Variants in TPO observed in about 807,000 individuals in gnomAD.
The protein encoded by TPO is thyroid peroxidase, also known as thyroid microsomal antigen.
TPO carries 78 observed loss-of-function variants against 96.9 expected under a neutral mutation model. The ratio of observed to expected loss-of-function variants is 0.81; its 90% CI spans 0.67 to 0.97. The LOEUF (loss-of-function observed/expected upper bound fraction) is 0.97. Among genes scored for constraint, TPO ranks in the 50% least tolerant of loss-of-function variants. The pLI, the probability that TPO is intolerant of heterozygous loss-of-function variation, is 0.00. For missense variants in TPO, 1,252 were observed against 1,274.8 expected (o/e 0.98, Z 0.27); for synonymous variants, 547 against 538.0 (o/e 1.02, Z -0.23).
At chr2:1,382,815 T>G (rs960829585) in intron 1 of TPO, among the ~76,000 whole-genome samples, 1 of 152,116 alleles carries the variant, frequency 6.6e-6, no homozygotes, top group African/African-American at 2.4e-5. Flanking sequence ...ACCATGTTGG[T>G]GTGCTGCATC....
intron 15 of TPO, among the ~76,000 whole-genome samples, chr2:1,539,670 GTTGT>G (rs1014850763): frequency 1.6e-4 from 25 of 152,262 alleles, no homozygotes; most frequent in African/African-American, 4.6e-4. Context: ...GACCTCGGGA[GTTGT>G]TTGTTTGTAG....
intron 2 of TPO, among the ~76,000 whole-genome samples, chr2:1,419,363 G>A (rs1307226563): frequency 1.3e-5 from 2 of 152,162 alleles, no homozygotes; most frequent in African/African-American, 4.8e-5. Context: ...GGGCGCTGCA[G>A]AGCTAACGAT....
rs28909392 is a variant in TPO at position 1,437,857 on chromosome 2, C to T, written c.482+1473C>T. Among the ~76,000 whole-genome samples the T allele has an allele frequency of 9.7e-3, 1,475 of 152,134 alleles. 28 individuals carry two copies. Among genetic ancestry groups the T allele is most frequent in the African/African-American group, 0.034 (1,406 of 41,472 alleles). On this transcript the variant is annotated intron_variant, in intron 5 of 16. Transcript: ENST00000329066. The stretch of plus-strand genomic sequence containing the variant: ...GCCTGGGGGGGGGTCTGTGCCTTCC[C>T]GTGGAAGTGGGCTCAGAGGTGGAGA...
At chr2:1,484,486 G>A in intron 8 of TPO, 110 bp from the exon 9 acceptor site, 3 of 1,410,538 alleles carry the variant, frequency 2.1e-6, no homozygotes, top group Non-Finnish European at 3.0e-6. Flanking sequence ...AAGACGAGAA[G>A]GGTCCAGTTC....
At chr2:1,425,138 G>T (rs1203227789) in intron 3 of TPO, among the ~76,000 whole-genome samples, 1 of 151,904 alleles carries the variant, frequency 6.6e-6, no homozygotes, top group Non-Finnish European at 1.5e-5. Context: ...TGTTCTAGAT[G>T]CCGGGATACA....
chr2:1,392,509 T>C (rs2148360346), intron 1 of TPO, among the ~76,000 whole-genome samples: 1 of 152,302 alleles, frequency 6.6e-6, no homozygotes. Context: ...CAGGATGATG[T>C]TGGCCTCATA....
chr2:1,389,016 T>A (rs966357445), intron 1 of TPO, among the ~76,000 whole-genome samples: 2 of 152,152 alleles, frequency 1.3e-5, no homozygotes, highest in African/African-American at 4.8e-5. Context: ...ATTAAGAAGT[T>A]TTTTTGTGTT....
chr2:1,451,421 T>G (rs1322232858), intron 5 of TPO, among the ~76,000 whole-genome samples: 2 of 152,204 alleles, frequency 1.3e-5, no homozygotes, highest in Non-Finnish European at 2.9e-5. Context: ...TCCCAAACAC[T>G]CCAAATGTTT....
chr2:1,528,891 C>G (rs1241603058), intron 15 of TPO, among the ~76,000 whole-genome samples: 21 of 146,008 alleles, frequency 1.4e-4, no homozygotes, highest in African/African-American at 5.5e-4. Context: ...ATCCTCTCCA[C>G]TGTGTGCAAC....
intron 8 of TPO, among the ~76,000 whole-genome samples, chr2:1,479,842 T>C (rs141380929): frequency 1.6e-3 from 247 of 152,062 alleles, no homozygotes; most frequent in Middle Eastern, 0.01. Context: ...AGTATAGTGG[T>C]GAGACCTTGG....
At chr2:1,461,853 G>A (rs895240201) in intron 7 of TPO, among the ~76,000 whole-genome samples, 1 of 152,088 alleles carries the variant, frequency 6.6e-6, no homozygotes, top group Admixed American at 6.5e-5. Context: ...TGTATTGGAC[G>A]AGGGCAGGGG....
At chr2:1,518,175 G>C (rs1674910980) in intron 15 of TPO, among the ~76,000 whole-genome samples, 1 of 152,078 alleles carries the variant, frequency 6.6e-6, no homozygotes, top group African/African-American at 2.4e-5. Flanking sequence ...CATCTTCCAG[G>C]GTGTTTCTCA....
At chr2:1,503,899 G>A (rs1673132913) in intron 13 of TPO, 49 bp from the exon 14 acceptor site, 5 of 1,613,800 alleles carry the variant, frequency 3.1e-6, no homozygotes, top group Admixed American at 1.7e-5. Flanking sequence ...CGCGGGAGAT[G>A]GGGGTGCAGC....
At chr2:1,418,054 G>A (rs1417721635) in intron 2 of TPO, among the ~76,000 whole-genome samples, 12 of 152,164 alleles carry the variant, frequency 7.9e-5, no homozygotes, top group African/African-American at 2.7e-4. Context: ...AGGCCGAGGC[G>A]GGAAGATCAC....
At chr2:1,399,276 G>C (rs746184776) in intron 1 of TPO, among the ~76,000 whole-genome samples, 23 of 152,272 alleles carry the variant, frequency 1.5e-4, no homozygotes, top group African/African-American at 5.5e-4. Flanking sequence ...CATTTTCTGC[G>C]CGGAGCTTCT....
At chr2:1,382,474 C>T (rs1432423437) in intron 1 of TPO, among the ~76,000 whole-genome samples, 1 of 152,174 alleles carries the variant, frequency 6.6e-6, no homozygotes. Context: ...AAACATGAGA[C>T]ATCATGTCTT....
intron 1 of TPO, among the ~76,000 whole-genome samples, chr2:1,383,961 T>C (rs1429010062): frequency 6.6e-6 from 1 of 152,222 alleles, no homozygotes; most frequent in Non-Finnish European, 1.5e-5. Context: ...CCAGCACCGT[T>C]TGTTAAATAG....
chr2:1,532,560 AT>A (rs1183395807), intron 15 of TPO, among the ~76,000 whole-genome samples: 6 of 114,096 alleles, frequency 5.3e-5, no homozygotes, highest in Admixed American at 4.6e-4. Flanking sequence ...ACCTCCTCAA[AT>A]CCCCCCAACT....
intron 13 of TPO, among the ~76,000 whole-genome samples, chr2:1,502,743 C>T (rs1003159997): frequency 5.9e-5 from 9 of 152,200 alleles, no homozygotes; most frequent in African/African-American, 7.2e-5. Context: ...TATTAAAGAC[C>T]GTACTGTTTA....
Sources: allele counts gnomAD v4.1 joint callset (sites outside exome capture counted in the v4.1 genomes callset), GRCh38; gene constraint gnomAD v4.1.1; transcripts MANE v1.5; gene names NCBI Gene and HGNC (gene_info 2026-07-23, HGNC 2026-07-21).